SMIM36: variants seen among roughly 807,000 people sequenced by gnomAD.
SMIM36 encodes the protein small integral membrane protein 36.
chr17:55,467,315 G>A (rs1909256393), exon 4 of SMIM36: 1 of 152,100 alleles, frequency 6.6e-6, no homozygotes, highest in South Asian at 2.1e-4. Context: ...ATTGGGGCCA[G>A]TCAGTTCCAT....
intron 3 of SMIM36, among the ~76,000 whole-genome samples, chr17:55,470,170 G>A (rs1455169951): frequency 1.3e-5 from 2 of 152,020 alleles, no homozygotes; most frequent in Admixed American, 1.3e-4. Context: ...ACTGGAAATC[G>A]GACTGTCCAT....
intron 1 of SMIM36, among the ~76,000 whole-genome samples, chr17:55,486,076 C>T (rs767289681): frequency 2.1e-5 from 3 of 145,442 alleles, no homozygotes; most frequent in Non-Finnish European, 3.0e-5. Flanking sequence ...TGCTCTGTTG[C>T]GCAGGCTGGA....
rs10555912 is a variant in SMIM36 at position 55,493,808 on chromosome 17, CAAAAAAAAAA to C, written c.*175-14238_*175-14229del. Among the ~76,000 whole-genome samples, 371 of 65,110 alleles carry C rather than the reference CAAAAAAAAAA, an allele frequency of 5.7e-3. 2 individuals carry two copies. The highest frequency in any genetic ancestry group is 0.019 in the African/African-American group (345 of 18,570). The allele number at this position is 65,110 out of a possible 152,430, so 42.7% of individuals were successfully genotyped here. A position where few individuals can be genotyped will look rare whatever the true frequency, so the allele number is the denominator to read the frequency against. ...ATGGGCAGCAGAGCTCTCTCTCTCT[CAAAAAAAAAA>C]AAAAAAAAAAAAAAAAGCAGCAGCA... On this transcript the variant is annotated intron_variant, in intron 1 of 4. Coordinates refer to ENST00000636752, the Ensembl canonical transcript of SMIM36.
intron 4 of SMIM36, among the ~76,000 whole-genome samples, chr17:55,456,710 T>C (rs1044222178): frequency 2.0e-5 from 3 of 152,182 alleles, no homozygotes; most frequent in African/African-American, 4.8e-5. Context: ...TTGAATATAG[T>C]AGGAAGGTTC....
At chr17:55,482,607 T>C (rs1014440870) in intron 1 of SMIM36, among the ~76,000 whole-genome samples, 2 of 152,262 alleles carry the variant, frequency 1.3e-5, no homozygotes, top group Non-Finnish European at 2.9e-5. Flanking sequence ...GCATAGTCTT[T>C]CACATTTAGT....
chr17:55,491,897 C>T (rs1003464113), intron 1 of SMIM36, among the ~76,000 whole-genome samples: 9 of 152,168 alleles, frequency 5.9e-5, no homozygotes, highest in African/African-American at 1.9e-4. Context: ...GGGTGGCTCA[C>T]ACCTGTATTC....
At chr17:55,514,995 C>A (rs1452896572), upstream of SMIM36, among the ~76,000 whole-genome samples, 1 of 149,988 alleles carries the variant, frequency 6.7e-6, no homozygotes, top group African/African-American at 2.4e-5. Flanking sequence ...TGAGGACATT[C>A]AGGCACAGGG....
chr17:55,516,384 T>C (rs1184382575), upstream of SMIM36, among the ~76,000 whole-genome samples: 2 of 152,148 alleles, frequency 1.3e-5, no homozygotes, highest in Non-Finnish European at 2.9e-5. Context: ...TAAAATTCTG[T>C]ACGCTTATAC....
At chr17:55,490,504 C>T (rs1481714695) in intron 1 of SMIM36, among the ~76,000 whole-genome samples, 1 of 152,056 alleles carries the variant, frequency 6.6e-6, no homozygotes, top group Non-Finnish European at 1.5e-5. Flanking sequence ...GTACACTTGA[C>T]ATTTTTTGAG....
intron 4 of SMIM36, among the ~76,000 whole-genome samples, chr17:55,452,035 G>A (rs980422228): frequency 6.7e-6 from 1 of 150,320 alleles, no homozygotes; most frequent in African/African-American, 2.5e-5. Flanking sequence ...AGGAGTTTGA[G>A]GCTGCAGTAA....
At chr17:55,480,714 T>C (rs1909505094) in intron 1 of SMIM36, among the ~76,000 whole-genome samples, 1 of 152,232 alleles carries the variant, frequency 6.6e-6, no homozygotes, top group East Asian at 1.9e-4. Context: ...TCAAGTTTAA[T>C]AATAATTTTC....
At chr17:55,471,407 C>G (rs12051893) in intron 3 of SMIM36, among the ~76,000 whole-genome samples, 12 of 151,828 alleles carry the variant, frequency 7.9e-5, no homozygotes, top group African/African-American at 2.7e-4. Flanking sequence ...CTCCAAGGCA[C>G]AAATTTCTTC....
At chr17:55,491,419 T>C (rs1487606085) in intron 1 of SMIM36, among the ~76,000 whole-genome samples, 1 of 152,090 alleles carries the variant, frequency 6.6e-6, no homozygotes, top group Non-Finnish European at 1.5e-5. Context: ...TTAACAAATG[T>C]GTATTAATTT....
At chr17:55,527,575 AG>A in the SMIM36 span, 2 of 152,154 alleles carry the variant, frequency 1.3e-5, no homozygotes, top group Admixed American at 1.3e-4. Context: ...TTTTCTTTAT[AG>A]GTTTGCATGA....
chr17:55,480,357 G>A (rs1353814253), intron 1 of SMIM36, among the ~76,000 whole-genome samples: 2 of 152,232 alleles, frequency 1.3e-5, no homozygotes, highest in South Asian at 2.1e-4. Context: ...ATCAAACCTG[G>A]GTGTGATCAT....
intron 3 of SMIM36, among the ~76,000 whole-genome samples, chr17:55,468,801 C>T (rs534733991): frequency 6.6e-6 from 1 of 152,196 alleles, no homozygotes; most frequent in Non-Finnish European, 1.5e-5. Flanking sequence ...CGACTAACAC[C>T]TGACCTAAAA....
the SMIM36 span, among the ~76,000 whole-genome samples, chr17:55,531,214 C>T: frequency 2.0e-5 from 3 of 152,152 alleles, no homozygotes; most frequent in South Asian, 2.1e-4. Flanking sequence ...CCTTTTCTTC[C>T]GCTGACCTCC....
chr17:55,529,772 T>C, the SMIM36 span, among the ~76,000 whole-genome samples: 3 of 151,594 alleles, frequency 2.0e-5, no homozygotes, highest in Non-Finnish European at 4.4e-5. Context: ...GCCTGGGTGA[T>C]GGACCCAGAC....
chr17:55,523,055 G>A, the SMIM36 span, among the ~76,000 whole-genome samples: 3 of 152,184 alleles, frequency 2.0e-5, no homozygotes, highest in African/African-American at 7.2e-5. Flanking sequence ...GTTTAATGCT[G>A]TGGGCTGAAT....
Sources: gnomAD v4.1 joint callset for allele counts (sites outside exome capture counted in the v4.1 genomes callset) on GRCh38, gnomAD v4.1.1 for gene constraint, MANE v1.5 for transcripts, NCBI Gene and HGNC (gene_info 2026-07-23, HGNC 2026-07-21) for gene names.